CNTNAP5: variants seen among roughly 807,000 people sequenced by gnomAD.
CNTNAP5 encodes the protein contactin-associated protein-like 5.
In CNTNAP5, 72 loss-of-function variants were observed where a neutral mutation model predicts 150.2. The ratio of observed to expected loss-of-function variants is 0.48; its 90% CI spans 0.40 to 0.58. CNTNAP5 has a LOEUF of 0.58. Among genes scored for constraint, CNTNAP5 ranks in the 20% least tolerant of loss-of-function variants. The probability of loss-of-function intolerance (pLI) is 0.00; values close to 1 mark genes in which losing one functional copy is unlikely to be tolerated. For synonymous variants in CNTNAP5, 672 were observed against 619.8 expected (o/e 1.08, Z -1.25); for missense variants, 1,636 against 1,626.2 (o/e 1.01, Z -0.10).
At chr2:124,663,686 T>C (rs1480642704) in intron 13 of CNTNAP5, among the ~76,000 whole-genome samples, 1 of 152,074 alleles carries the variant, frequency 6.6e-6, no homozygotes, top group Admixed American at 6.6e-5. Flanking sequence ...TTTTTTATCT[T>C]GAGTAAATGA....
chr2:124,393,042 C>A (rs113365489), intron 3 of CNTNAP5, among the ~76,000 whole-genome samples: 296 of 152,178 alleles, frequency 1.9e-3, no homozygotes, highest in African/African-American at 6.9e-3. Context: ...GTTGTCTTTG[C>A]AATCCCAAAA....
intron 13 of CNTNAP5, among the ~76,000 whole-genome samples, chr2:124,659,826 A>G (rs1678546329): frequency 2.0e-5 from 3 of 152,138 alleles, no homozygotes; most frequent in African/African-American, 7.2e-5. Flanking sequence ...GAGGTTTTCT[A>G]TGGAAAAGCA....
In CNTNAP5 at chr2:124,771,827, CCACCACCACTATCAA is replaced by C. The variant is rs1681201498; in HGVS notation, c.2534-961_2534-947del. Among the ~76,000 whole-genome samples, 3 of 151,900 alleles carry C rather than the reference CCACCACCACTATCAA, an allele frequency of 2.0e-5. 1 individual carries two copies. In the South Asian group the frequency reaches 6.2e-4, roughly 32 times the overall value. On this transcript the variant is annotated intron_variant, in intron 16 of 23. Transcript: ENST00000682447. ...ATCACCATCGCCATCACCACCACTG[CCACCACCACTATCAA>C]CACCACCACTGCCAGTGCCATCACT...
chr2:124,905,259 G>C (rs1573702413), intron 22 of CNTNAP5, among the ~76,000 whole-genome samples: 1 of 151,506 alleles, frequency 6.6e-6, no homozygotes, highest in South Asian at 2.1e-4. Flanking sequence ...TAATATGATG[G>C]TTAGTATCAA....
intron 1 of CNTNAP5, among the ~76,000 whole-genome samples, chr2:124,211,556 A>C: frequency 6.6e-6 from 1 of 151,884 alleles, no homozygotes; most frequent in East Asian, 1.9e-4. Context: ...AAGCAACCAC[A>C]TTATGATCTT....
At chr2:124,507,400 A>C (rs1430920674) in intron 8 of CNTNAP5, among the ~76,000 whole-genome samples, 1 of 152,142 alleles carries the variant, frequency 6.6e-6, no homozygotes, top group Admixed American at 6.6e-5. Context: ...CCGAGGCTGC[A>C]GTGAGGCATA....
chr2:124,109,450 T>C (rs1320088311), intron 1 of CNTNAP5, among the ~76,000 whole-genome samples: 1 of 152,190 alleles, frequency 6.6e-6, no homozygotes, highest in East Asian at 1.9e-4. Context: ...AGGCTGGAAA[T>C]ACCAGGACAC....
At chr2:124,640,662 T>C (rs1345887036) in intron 12 of CNTNAP5, among the ~76,000 whole-genome samples, 1 of 152,136 alleles carries the variant, frequency 6.6e-6, no homozygotes, top group Non-Finnish European at 1.5e-5. Flanking sequence ...TTGTCTCCCT[T>C]CCTTTTAAAG....
chr2:124,504,434 A>T lies in CNTNAP5; in HGVS notation c.1205A>T (p.Asp402Val), dbSNP rs754412146. 1.2e-6 allele frequency: 2 copies of T among 1,613,780 alleles called. No individual in the cohort carries two copies. The highest frequency in any genetic ancestry group is 1.3e-5 in the African/African-American group (1 of 74,902). Residue 402 changes from aspartate (D) to valine (V), a missense_variant, in exon 8 of 24, where the codon GAT becomes GTT. By Grantham distance (152) the Asp-to-Val change is radical (BLOSUM62 -3). Transcript: ENST00000682447. ...TTCCAGTTTCGAACATGGAACAAGG[A>T]TGGTCTGCTTCTGTCCACAGAGCTG... ...VSFQFRTWNKDGLLLSTELSE... is the reference protein window; with the variant it reads ...VSFQFRTWNKVGLLLSTELSE...
At chr2:124,249,782 A>G (rs567556217) in intron 3 of CNTNAP5, among the ~76,000 whole-genome samples, 26 of 151,292 alleles carry the variant, frequency 1.7e-4, no homozygotes, top group Non-Finnish European at 1.5e-5. Flanking sequence ...AATCTTTTAC[A>G]GAGTTTGACT....
At chr2:124,138,610 G>C (rs1180380166) in intron 1 of CNTNAP5, among the ~76,000 whole-genome samples, 1 of 152,094 alleles carries the variant, frequency 6.6e-6, no homozygotes, top group Non-Finnish European at 1.5e-5. Context: ...AACTGTTCTA[G>C]CATGGCCAGA....
At chr2:124,896,293 A>G (rs1678303074) in intron 21 of CNTNAP5, among the ~76,000 whole-genome samples, 2 of 151,532 alleles carry the variant, frequency 1.3e-5, no homozygotes, top group Admixed American at 6.6e-5. Context: ...ACACACATAC[A>G]TGAATGTCAC....
chr2:124,390,986 T>G lies in CNTNAP5; in HGVS notation c.382-26457T>G, dbSNP rs186572677. 3.5e-4 allele frequency among the ~76,000 whole-genome samples: 54 copies of G among 152,334 alleles called. 1 individual carries two copies. In the East Asian group the frequency reaches 9.8e-3, roughly 28 times the overall value. On this transcript the variant is annotated intron_variant, in intron 3 of 23. Coordinates refer to ENST00000682447, the MANE Select transcript of CNTNAP5 (RefSeq NM_001367498.1). ...GGGTTCAGAGAACTGCTGGTTCCAG[T>G]ATTATTCTGCATGGTCCAGTTAGAA...
At chr2:124,217,829 C>G (rs915447531) in intron 1 of CNTNAP5, among the ~76,000 whole-genome samples, 3 of 152,126 alleles carry the variant, frequency 2.0e-5, no homozygotes, top group Non-Finnish European at 2.9e-5. Context: ...CCCATCTATT[C>G]TTATTCCATC....
chr2:124,037,240 T>C (rs562978618), intron 1 of CNTNAP5, among the ~76,000 whole-genome samples: 2 of 152,346 alleles, frequency 1.3e-5, no homozygotes, highest in East Asian at 1.9e-4. Context: ...GATTCCATGA[T>C]CACTGCCCAC....
chr2:124,256,062 G>C (rs1422812686), intron 3 of CNTNAP5, among the ~76,000 whole-genome samples: 1 of 152,160 alleles, frequency 6.6e-6, no homozygotes, highest in East Asian at 1.9e-4. Context: ...GGGGTCCTAA[G>C]AGATAAGGCT....
At chr2:124,868,501 CT>C (rs1677677517) in intron 20 of CNTNAP5, among the ~76,000 whole-genome samples, 1 of 152,172 alleles carries the variant, frequency 6.6e-6, no homozygotes, top group Non-Finnish European at 1.5e-5. Flanking sequence ...AAAGGTCATT[CT>C]CATTGAGGCC....
At chr2:124,058,725 C>A (rs1320835438) in intron 1 of CNTNAP5, among the ~76,000 whole-genome samples, 1 of 152,004 alleles carries the variant, frequency 6.6e-6, no homozygotes, top group Non-Finnish European at 1.5e-5. Flanking sequence ...AATTGAAGAA[C>A]TCTCTCTTTA....
intron 22 of CNTNAP5, among the ~76,000 whole-genome samples, chr2:124,908,310 G>A (rs1678581707): frequency 6.6e-6 from 1 of 152,030 alleles, no homozygotes; most frequent in African/African-American, 2.4e-5. Flanking sequence ...GGCAGAGGTT[G>A]CAGTGAGCTG....
Sources: gnomAD v4.1 joint callset for allele counts (sites outside exome capture counted in the v4.1 genomes callset) on GRCh38, gnomAD v4.1.1 for gene constraint, MANE v1.5 for transcripts, NCBI Gene and HGNC (gene_info 2026-07-23, HGNC 2026-07-21) for gene names.